The following ANK2 variants were observed in gnomAD, a reference collection of about 807,000 sequenced individuals.
ANK2 encodes the protein ankyrin 2.
ANK2 carries 83 observed loss-of-function variants against 360.5 expected under a neutral mutation model. The observed-to-expected ratio is 0.23, with a 90% CI of 0.19 to 0.28. The LOEUF is 0.28. ANK2 is among the 10% of genes least tolerant of loss of function. The pLI, the probability that ANK2 is intolerant of heterozygous loss-of-function variation, is 1.00. For missense variants in ANK2, 4,201 were observed against 4,795.7 expected, an observed-to-expected ratio of 0.88 and a Z score of 3.66; for synonymous variants, 1,740 against 1,759.5, an observed-to-expected ratio of 0.99 and a Z score of 0.28.
At chr4:113,141,278 A>G (rs185092954) in intron 1 of ANK2, 2 of 152,320 alleles carry the variant, frequency 1.3e-5, no homozygotes, top group East Asian at 3.9e-4. Flanking sequence ...TGGTGTTTTC[A>G]TCCTCCCTGT....
chr4:112,801,958 A>G, the ANK2 span, among the ~76,000 whole-genome samples: 1 of 106,782 alleles, frequency 9.4e-6, no homozygotes, highest in Admixed American at 1.1e-4. Context: ...TAGACCATTC[A>G]TGATTTTTTT....
chr4:112,827,064 C>A (rs2058568195), intron 1 of ANK2: 5 of 1,225,330 alleles, frequency 4.1e-6, no homozygotes, highest in Non-Finnish European at 6.0e-6. Flanking sequence ...TTGCTGTGAA[C>A]TTGATCACCC....
chr4:112,834,817 A>T (rs1422155204), intron 1 of ANK2, among the ~76,000 whole-genome samples: 1 of 152,218 alleles, frequency 6.6e-6, no homozygotes, highest in Non-Finnish European at 1.5e-5. Context: ...CAGATATTTT[A>T]AAAAATCAGA....
chr4:112,827,563 G>A, intron 1 of ANK2: 4 of 1,091,336 alleles, frequency 3.7e-6, no homozygotes, highest in South Asian at 1.2e-5. Flanking sequence ...ACAGGAAGAG[G>A]AGATGAAATA....
At chr4:112,706,796 C>T in the ANK2 span, 1 of 152,230 alleles carries the variant, frequency 6.6e-6, no homozygotes, top group Non-Finnish European at 1.5e-5. Context: ...ACATGTGTTC[C>T]TGTTCTCTCC....
intron 1 of ANK2, among the ~76,000 whole-genome samples, chr4:112,854,221 A>T (rs1251369425): frequency 6.6e-6 from 1 of 152,230 alleles, no homozygotes; most frequent in Non-Finnish European, 1.5e-5. Context: ...GTAGGTGGTT[A>T]CTAGGAAGGA....
chr4:113,132,993 G>A (rs2096155017), intron 1 of ANK2, among the ~76,000 whole-genome samples: 2 of 152,182 alleles, frequency 1.3e-5, no homozygotes, highest in Admixed American at 1.3e-4. Context: ...CTGGAAGGAT[G>A]CACTAGAGTT....
chr4:113,059,778 A>C (rs149725227), intron 1 of ANK2, among the ~76,000 whole-genome samples: 46 of 152,262 alleles, frequency 3.0e-4, no homozygotes, highest in Middle Eastern at 6.8e-3. Flanking sequence ...ACACATTACT[A>C]TACTCCAAGA....
chr4:112,952,317 T>G (rs2095075425), intron 2 of ANK2, among the ~76,000 whole-genome samples: 2 of 152,260 alleles, frequency 1.3e-5, no homozygotes, highest in Non-Finnish European at 2.9e-5. Flanking sequence ...TATTTCACTA[T>G]TTTTAATATA....
chr4:112,997,294 A>G (rs2048900795), intron 2 of ANK2, among the ~76,000 whole-genome samples: 3 of 152,094 alleles, frequency 2.0e-5, no homozygotes, highest in Admixed American at 2.0e-4. Context: ...AGCAATTTTC[A>G]AGTACACAGT....
At chr4:113,345,095 A>G (rs2094690590) in intron 34 of ANK2, among the ~76,000 whole-genome samples, 1 of 152,200 alleles carries the variant, frequency 6.6e-6, no homozygotes, top group Non-Finnish European at 1.5e-5. Context: ...TATGTTACAT[A>G]TATTTATCAC....
the ANK2 span, among the ~76,000 whole-genome samples, chr4:112,744,269 A>C: frequency 1.3e-5 from 2 of 152,208 alleles, no homozygotes; most frequent in Non-Finnish European, 2.9e-5. Context: ...AGAATATTAG[A>C]CTTTATGAAT....
chr4:113,080,755 G>T (rs2082087304), intron 1 of ANK2, among the ~76,000 whole-genome samples: 2 of 152,262 alleles, frequency 1.3e-5, no homozygotes, highest in African/African-American at 2.4e-5. Flanking sequence ...TATTGAGTTT[G>T]TTCTCTATAC....
At chr4:112,955,890 T>C (rs1055556443) in intron 2 of ANK2, among the ~76,000 whole-genome samples, 6 of 152,222 alleles carry the variant, frequency 3.9e-5, no homozygotes, top group East Asian at 1.9e-4. Context: ...TATTCACTTA[T>C]TTAATGCGTG....
Position 112,890,483 on chromosome 4 carries a change from C to T in ANK2, c.-39-13972C>T, listed in dbSNP as rs192924597. 3.3e-3 allele frequency among the ~76,000 whole-genome samples: 493 copies of T among 150,834 alleles called. 2 individuals are homozygous for T. The highest frequency in any genetic ancestry group is 0.011 in the African/African-American group (471 of 41,066). On this transcript the variant is annotated intron_variant, in intron 1 of 30. Coordinates refer to the ANK2 transcript ENST00000503271. ...ATGCATTCTGAAATGGATTTGTTTTCCTACATAATTCCCAATGCAATAACT... is the reference window on the plus strand; with the variant it reads ...ATGCATTCTGAAATGGATTTGTTTTTCTACATAATTCCCAATGCAATAACT...
At chr4:113,077,223 CTCA>C (rs2080429577) in intron 1 of ANK2, among the ~76,000 whole-genome samples, 1 of 151,832 alleles carries the variant, frequency 6.6e-6, no homozygotes, top group Admixed American at 6.6e-5. Flanking sequence ...TAAGAAGATT[CTCA>C]TCATATCATG....
chr4:112,882,627 A>G (rs1326604799), intron 1 of ANK2, among the ~76,000 whole-genome samples: 1 of 152,142 alleles, frequency 6.6e-6, no homozygotes, highest in East Asian at 1.9e-4. Context: ...ACTTTGGGAA[A>G]ATTTATGTAG....
At chr4:113,331,866 C>A in intron 27 of ANK2, 106 bp from the exon 28 acceptor site, 2 of 1,070,908 alleles carry the variant, frequency 1.9e-6, no homozygotes, top group Non-Finnish European at 2.9e-6. Flanking sequence ...CAGTGTGAAA[C>A]CAAAGTTCAC....
chr4:113,148,164 C>CA (rs1193905601), intron 1 of ANK2, among the ~76,000 whole-genome samples: 1 of 152,152 alleles, frequency 6.6e-6, no homozygotes, highest in Non-Finnish European at 1.5e-5. Context: ...CTATTTAGAA[C>CA]AGCATAAAAA....
Sources: gnomAD v4.1 joint callset for allele counts (sites outside exome capture counted in the v4.1 genomes callset) on GRCh38, gnomAD v4.1.1 for gene constraint, MANE v1.5 for transcripts, NCBI Gene and HGNC (gene_info 2026-07-23, HGNC 2026-07-21) for gene names.